The following GULP1 variants were observed in gnomAD, a reference collection of about 807,000 sequenced individuals.
GULP1 encodes the protein PTB domain-containing engulfment adapter protein 1.
Under a neutral mutation model 40.9 loss-of-function variants are expected in GULP1, and 19 were observed. The ratio of observed to expected loss-of-function variants is 0.46; its 90% confidence interval spans 0.32 to 0.68. GULP1 has a LOEUF of 0.68. GULP1 is among the 30% of genes least tolerant of loss of function. The probability of loss-of-function intolerance (pLI) is 0.03; values close to 1 mark genes in which losing one functional copy is unlikely to be tolerated. For synonymous variants in GULP1, 119 were observed against 117.6 expected (o/e 1.01, Z -0.08); for missense variants, 312 against 362.2 (o/e 0.86, Z 1.12).
chr2:188,473,751 C>T lies in GULP1; in HGVS notation c.-44-3908C>T, dbSNP rs551456770. On this transcript the variant is annotated intron_variant, in intron 2 of 11. Coordinates refer to ENST00000409830, the MANE Select transcript of GULP1 (RefSeq NM_016315.4). The stretch of plus-strand genomic sequence containing the variant: ...TTTTGGAATCAGCAACCCCAAGAGA[C>T]GAGTTGGTTCTCTACCCCACTGTGG... 9.2e-5 allele frequency among the ~76,000 whole-genome samples: 14 copies of T among 152,240 alleles called. No individual in the cohort carries two copies. The East Asian group carries it at 2.1e-3, about 23-fold the overall frequency.
intron 3 of GULP1, among the ~76,000 whole-genome samples, chr2:188,479,479 C>T (rs950689307): frequency 1.3e-5 from 2 of 152,012 alleles, no homozygotes; most frequent in African/African-American, 4.8e-5. Context: ...GATCTTGCTA[C>T]GTTGCCAGGG....
At chr2:188,408,159 C>T (rs1251859996) in intron 2 of GULP1, among the ~76,000 whole-genome samples, 2 of 152,092 alleles carry the variant, frequency 1.3e-5, no homozygotes, top group Non-Finnish European at 2.9e-5. Flanking sequence ...AGAAGAGAGA[C>T]CGGAGCTAAC....
intron 1 of GULP1, among the ~76,000 whole-genome samples, chr2:188,359,080 AT>A (rs2045749840): frequency 6.6e-6 from 1 of 152,248 alleles, no homozygotes; most frequent in African/African-American, 2.4e-5. Context: ...CTTATCAATT[AT>A]TTTTTTCACA....
At position 188,292,578 on chromosome 2, in the gene GULP1, G is replaced by T. The variant is rs1173683663; in HGVS notation, c.-172+412G>T. The stretch of plus-strand genomic sequence containing the variant: ...GGTGGGGAAACCGTGGATCCGTCCG[G>T]CTGAGGGTGCGTGGATCAGACTGGG... On this transcript the variant is annotated intron_variant, in intron 1 of 11. Transcript: ENST00000409830. This position sits in a 1 kb window ranked among gnomAD's most constrained non-coding sequence, Gnocchi z 4.0. Among the ~76,000 whole-genome samples the T allele has an allele frequency of 1.3e-5, 2 of 152,026 alleles. No homozygotes were observed. The highest frequency in any genetic ancestry group is 2.9e-5 in the Non-Finnish European group (2 of 68,000).
chr2:188,487,829 G>C (rs1159820505), intron 4 of GULP1, among the ~76,000 whole-genome samples: 1 of 151,918 alleles, frequency 6.6e-6, no homozygotes, highest in Admixed American at 6.6e-5. Context: ...TTGCCACTTC[G>C]TTTGTTTAAT....
intron 7 of GULP1, among the ~76,000 whole-genome samples, chr2:188,545,665 G>A (rs1691733788): frequency 6.6e-6 from 1 of 151,654 alleles, no homozygotes; most frequent in Admixed American, 6.6e-5. Flanking sequence ...AAAGAAAACA[G>A]AGAAAGAAAA....
intron 1 of GULP1, among the ~76,000 whole-genome samples, chr2:188,380,220 C>G (rs187648298): frequency 6.6e-6 from 1 of 152,208 alleles, no homozygotes; most frequent in East Asian, 1.9e-4. Context: ...GACAATCATC[C>G]TAATATCACC....
At chr2:188,542,106 A>G (rs1690672281) in intron 7 of GULP1, 1 of 151,944 alleles carries the variant, frequency 6.6e-6, no homozygotes, top group Non-Finnish European at 1.5e-5. Flanking sequence ...ACTCCATCTC[A>G]AGAGAAAAAA....
chr2:188,478,407 A>G (rs1226650376), intron 3 of GULP1, among the ~76,000 whole-genome samples: 1 of 152,136 alleles, frequency 6.6e-6, no homozygotes, highest in Non-Finnish European at 1.5e-5. Flanking sequence ...AGTTTAAATA[A>G]TGTATCCTTT....
intron 7 of GULP1, 74 bp downstream of exon 7, chr2:188,541,392 C>T: frequency 8.3e-7 from 1 of 1,210,442 alleles, no homozygotes; most frequent in Non-Finnish European, 1.2e-6. Flanking sequence ...CTGGCATTGG[C>T]AAAGTATTTG....
intron 2 of GULP1, among the ~76,000 whole-genome samples, chr2:188,431,874 A>G (rs2056909688): frequency 1.3e-5 from 2 of 151,800 alleles, no homozygotes; most frequent in African/African-American, 4.8e-5. Flanking sequence ...TTTCTCTCTT[A>G]CTTACTGGTT....
intron 6 of GULP1, among the ~76,000 whole-genome samples, chr2:188,533,718 G>T (rs1688154477): frequency 6.6e-6 from 1 of 152,162 alleles, no homozygotes; most frequent in Non-Finnish European, 1.5e-5. Flanking sequence ...TAAAGTATTT[G>T]CAAACTATGC....
At chr2:188,318,987 C>A (rs67389016) in intron 1 of GULP1, among the ~76,000 whole-genome samples, 1 of 151,880 alleles carries the variant, frequency 6.6e-6, no homozygotes, top group African/African-American at 2.4e-5. Context: ...TGCCCTGCAT[C>A]GAATACATTA....
intron 7 of GULP1, among the ~76,000 whole-genome samples, chr2:188,558,072 G>T (rs539482114): frequency 6.6e-6 from 1 of 152,248 alleles, no homozygotes; most frequent in Non-Finnish European, 1.5e-5. Flanking sequence ...GGCTGTTAGT[G>T]CTTGGCTCCT....
At chr2:188,403,250 T>G (rs1362057082) in intron 2 of GULP1, among the ~76,000 whole-genome samples, 3 of 152,180 alleles carry the variant, frequency 2.0e-5, no homozygotes, top group African/African-American at 7.2e-5. Flanking sequence ...TTTTATAGTT[T>G]TATTTACATG....
chr2:188,422,081 CT>C lies in GULP1; in HGVS notation c.-45+38208del, dbSNP rs1278413091. ...AATCATTGACTAACTGCTGGACACA[CT>C]TTTTTTTTTTTTTTTGACCTGGTCT... is the stretch of plus-strand genomic sequence containing the variant. On this transcript the variant is annotated intron_variant, in intron 2 of 11. Coordinates refer to ENST00000409830, the MANE Select transcript of GULP1 (RefSeq NM_016315.4). Among the ~76,000 whole-genome samples the C allele has an allele frequency of 1.6e-3, 222 of 136,364 alleles. 1 individual carries two copies. The highest frequency in any genetic ancestry group is 7.9e-3 in the Middle Eastern group (2 of 254). 89.5% of individuals were successfully genotyped at this position (136,364 alleles called of 152,430 possible). A position where few individuals can be genotyped will look rare whatever the true frequency, so the allele number is the denominator to read the frequency against.
chr2:188,309,290 AC>A (rs2037666682), intron 1 of GULP1, among the ~76,000 whole-genome samples: 1 of 151,678 alleles, frequency 6.6e-6, no homozygotes. Flanking sequence ...ACATGGTGAA[AC>A]CCCATTTCTA....
intron 2 of GULP1, among the ~76,000 whole-genome samples, chr2:188,411,010 C>G (rs1357065463): frequency 6.6e-6 from 1 of 152,150 alleles, no homozygotes; most frequent in African/African-American, 2.4e-5. Context: ...CCCTTGGGTG[C>G]ATAATTGCTC....
intron 1 of GULP1, among the ~76,000 whole-genome samples, chr2:188,356,638 G>T (rs1326902583): frequency 6.6e-6 from 1 of 152,002 alleles, no homozygotes; most frequent in Non-Finnish European, 1.5e-5. Flanking sequence ...ATTGAATGCA[G>T]TTATTTTCAA....
Sources: gnomAD v4.1 joint callset for allele counts (sites outside exome capture counted in the v4.1 genomes callset) on GRCh38, gnomAD v4.1.1 for gene constraint, Gnocchi (gnomAD v3.1) non-coding constraint, MANE v1.5 for transcripts, NCBI Gene and HGNC (gene_info 2026-07-23, HGNC 2026-07-21) for gene names.